ROBO2: variants seen among roughly 807,000 people sequenced by gnomAD.
ROBO2 encodes the protein roundabout homolog 2.
Under a neutral mutation model 160.8 loss-of-function variants are expected in ROBO2, and 53 were observed. That is an observed-to-expected ratio of 0.33 (90% CI 0.26 to 0.41). ROBO2 has a LOEUF of 0.41. ROBO2 is among the 10% of genes least tolerant of loss of function. ROBO2 has a pLI of 1.00. For missense variants in ROBO2, 1,577 were observed against 1,722.4 expected, an observed-to-expected ratio of 0.92 and a Z score of 1.49; for synonymous variants, 664 against 611.7, an observed-to-expected ratio of 1.09 and a Z score of -1.26.
chr3:76,287,824 G>A (rs1708587279), intron 2 of ROBO2, among the ~76,000 whole-genome samples: 1 of 152,172 alleles, frequency 6.6e-6, no homozygotes, highest in Non-Finnish European at 1.5e-5. Context: ...TCTGCACTTA[G>A]AAAACTGTCT....
At chr3:77,578,160 T>A (rs774992963) in intron 15 of ROBO2, among the ~76,000 whole-genome samples, 2 of 152,076 alleles carry the variant, frequency 1.3e-5, no homozygotes, top group Non-Finnish European at 2.9e-5. Context: ...GAAAAAACAG[T>A]TGATTGTCTC....
intron 2 of ROBO2, among the ~76,000 whole-genome samples, chr3:76,386,985 C>T (rs954970897): frequency 1.3e-5 from 2 of 152,092 alleles, no homozygotes; most frequent in African/African-American, 4.8e-5. Flanking sequence ...AACAAAATTC[C>T]ACAGGCTGAA....
At chr3:76,735,718 C>T (rs1259175424) in intron 2 of ROBO2, among the ~76,000 whole-genome samples, 1 of 129,824 alleles carries the variant, frequency 7.7e-6, no homozygotes, top group Non-Finnish European at 1.5e-5. Flanking sequence ...GCAGAGATCA[C>T]GTACAGCTTC....
chr3:76,422,994 G>T (rs1394983593), intron 2 of ROBO2, among the ~76,000 whole-genome samples: 1 of 152,218 alleles, frequency 6.6e-6, no homozygotes, highest in Non-Finnish European at 1.5e-5. Flanking sequence ...AGATGTAGGC[G>T]GAGGTAAGAG....
At chr3:76,879,203 C>T (rs746375016) in intron 2 of ROBO2, among the ~76,000 whole-genome samples, 3 of 151,978 alleles carry the variant, frequency 2.0e-5, no homozygotes, top group Non-Finnish European at 2.9e-5. Flanking sequence ...AAAACATAGT[C>T]GAAGGAAATG....
intron 2 of ROBO2, among the ~76,000 whole-genome samples, chr3:76,974,082 T>G (rs1205462579): frequency 6.6e-6 from 1 of 152,208 alleles, no homozygotes; most frequent in Non-Finnish European, 1.5e-5. Context: ...AGAAGAGTCT[T>G]GCAAACAGAT....
chr3:76,603,227 G>A (rs182936330), intron 2 of ROBO2, among the ~76,000 whole-genome samples: 183 of 150,294 alleles, frequency 1.2e-3, no homozygotes, highest in African/African-American at 4.2e-3. Flanking sequence ...AGCTACTCAG[G>A]AGGCTGAGGC....
chr3:77,456,217 T>A (rs1044595690), intron 2 of ROBO2, among the ~76,000 whole-genome samples: 20 of 152,326 alleles, frequency 1.3e-4, no homozygotes, highest in African/African-American at 4.1e-4. Context: ...CAAAGTGAAC[T>A]TTTTTATAAG....
chr3:76,944,007 C>A (rs2078357647), intron 2 of ROBO2, among the ~76,000 whole-genome samples: 1 of 152,034 alleles, frequency 6.6e-6, no homozygotes, highest in Non-Finnish European at 1.5e-5. Flanking sequence ...GTAGCTTGGA[C>A]TAATTAAATA....
chr3:76,559,549 T>G (rs1011025014), intron 2 of ROBO2, among the ~76,000 whole-genome samples: 4 of 152,140 alleles, frequency 2.6e-5, no homozygotes, highest in African/African-American at 9.7e-5. Context: ...ACCATTTGGC[T>G]GTAACAGAGT....
chr3:76,432,068 G>A (rs2076461763), intron 2 of ROBO2, among the ~76,000 whole-genome samples: 1 of 152,096 alleles, frequency 6.6e-6, no homozygotes, highest in African/African-American at 2.4e-5. Flanking sequence ...AAAGTTGAGT[G>A]TGTCATTTGT....
chr3:76,751,388 C>T (rs1383754287), intron 2 of ROBO2, among the ~76,000 whole-genome samples: 1 of 152,040 alleles, frequency 6.6e-6, no homozygotes, highest in Non-Finnish European at 1.5e-5. Flanking sequence ...AGGACATAGG[C>T]ATGGGCAAGG....
chr3:77,270,917 T>A (rs60325050), intron 2 of ROBO2, among the ~76,000 whole-genome samples: 3,430 of 149,770 alleles, frequency 0.023, 127 homozygotes, highest in African/African-American at 0.08. Flanking sequence ...TGCTTCAGCC[T>A]GGGCGACAGA....
At chr3:76,332,726 C>A (rs892528773) in intron 2 of ROBO2, among the ~76,000 whole-genome samples, 1 of 152,120 alleles carries the variant, frequency 6.6e-6, no homozygotes, top group Non-Finnish European at 1.5e-5. Context: ...TACTTTCCAC[C>A]TCTGTGGCCA....
intron 2 of ROBO2, among the ~76,000 whole-genome samples, chr3:76,031,650 T>A (rs759945597): frequency 6.6e-6 from 1 of 152,176 alleles, no homozygotes; most frequent in Non-Finnish European, 1.5e-5. Context: ...GTTCTGTTTA[T>A]GTGATGGATT....
At chr3:76,225,261 T>C (rs1704212729) in intron 2 of ROBO2, among the ~76,000 whole-genome samples, 1 of 152,188 alleles carries the variant, frequency 6.6e-6, no homozygotes, top group East Asian at 1.9e-4. Context: ...AGAAGTTTAT[T>C]ATGTTTTAAA....
At chr3:77,030,859 T>G (rs931844694) in intron 2 of ROBO2, among the ~76,000 whole-genome samples, 2 of 152,180 alleles carry the variant, frequency 1.3e-5, no homozygotes, top group African/African-American at 4.8e-5. Flanking sequence ...AACATTCCAT[T>G]CAGAGATTCT....
chr3:76,898,510 G>A (rs564235562), intron 2 of ROBO2, among the ~76,000 whole-genome samples: 102 of 152,098 alleles, frequency 6.7e-4, no homozygotes, highest in Admixed American at 4.5e-3. Flanking sequence ...TGCGATATTT[G>A]TAAAACACAT....
At chr3:76,056,281 A>C (rs1024349385) in intron 2 of ROBO2, among the ~76,000 whole-genome samples, 3 of 152,204 alleles carry the variant, frequency 2.0e-5, no homozygotes, top group African/African-American at 7.2e-5. Context: ...TCCTAGAACC[A>C]GTGCCCCACA....
Sources: gnomAD v4.1 joint callset for allele counts (sites outside exome capture counted in the v4.1 genomes callset) on GRCh38, gnomAD v4.1.1 for gene constraint, MANE v1.5 for transcripts, NCBI Gene and HGNC (gene_info 2026-07-23, HGNC 2026-07-21) for gene names.